The following NAALADL2 variants were observed in gnomAD, a reference collection of about 807,000 sequenced individuals.
The protein encoded by NAALADL2 is N-acetylated alpha-linked acidic dipeptidase like 2, also known as inactive N-acetylated-alpha-linked acidic dipeptidase-like protein 2.
Under a neutral mutation model 87.2 loss-of-function variants are expected in NAALADL2, and 76 were observed. The observed-to-expected ratio is 0.87, with a 90% confidence interval of 0.72 to 1.05. The LOEUF is 1.05. Ranked by LOEUF, NAALADL2 falls within the 50% of genes least tolerant of loss-of-function variation. The pLI is 0.00. For synonymous variants in NAALADL2, 354 were observed against 331.0 expected, an observed-to-expected ratio of 1.07 and a Z score of -0.75; for missense variants, 1,089 against 945.8, an observed-to-expected ratio of 1.15 and a Z score of -1.99.
intron 10 of NAALADL2, among the ~76,000 whole-genome samples, chr3:175,577,616 C>T (rs933891432): frequency 4.6e-5 from 7 of 152,052 alleles, no homozygotes; most frequent in Non-Finnish European, 8.8e-5. Flanking sequence ...AGGATCCAAT[C>T]GTTTTCAAAT....
At position 175,467,197 on chromosome 3, in the gene NAALADL2, A is replaced by G; in HGVS notation, c.1533+13A>G. The G allele has an allele frequency of 6.2e-7, 1 of 1,601,386 alleles. No individual in the cohort carries two copies. Among genetic ancestry groups the G allele is most frequent in the African/African-American group, 1.3e-5 (1 of 74,798 alleles). On this transcript the variant is annotated intron_variant, in intron 8 of 13. Transcript: ENST00000454872. Reference sequence around the variant, plus strand: ...TGAATGGGGAGAGGTAAAGCAAAATATACATTAATTACAGTGCTTTTCTTT... The same window carrying G: ...TGAATGGGGAGAGGTAAAGCAAAATGTACATTAATTACAGTGCTTTTCTTT...
intron 12 of NAALADL2, among the ~76,000 whole-genome samples, chr3:175,745,848 A>T (rs1745849960): frequency 1.3e-5 from 2 of 152,204 alleles, no homozygotes; most frequent in African/African-American, 4.8e-5. Context: ...TTAATGTCTA[A>T]AACAGCACTT....
intron 1 of NAALADL2, among the ~76,000 whole-genome samples, chr3:174,874,212 G>A (rs142502408): frequency 6.6e-6 from 1 of 152,230 alleles, no homozygotes; most frequent in Admixed American, 6.5e-5. Flanking sequence ...TGGCACGTGA[G>A]TACATGTGCA....
At chr3:175,202,949 C>A (rs147663081) in intron 2 of NAALADL2, among the ~76,000 whole-genome samples, 38 of 152,072 alleles carry the variant, frequency 2.5e-4, no homozygotes, top group African/African-American at 9.2e-4. Context: ...ACCAAAGGAC[C>A]GGTCTTGCAC....
At chr3:175,087,352 C>T (rs577103412) in intron 1 of NAALADL2, among the ~76,000 whole-genome samples, 1 of 152,084 alleles carries the variant, frequency 6.6e-6, no homozygotes, top group Non-Finnish European at 1.5e-5. Flanking sequence ...TGCACGGCCG[C>T]CCCGTCTGGG....
At chr3:174,708,618 A>G (rs1730334009) in intron 2 of NAALADL2, among the ~76,000 whole-genome samples, 1 of 152,132 alleles carries the variant, frequency 6.6e-6, no homozygotes, top group South Asian at 2.1e-4. Flanking sequence ...TGCTATAAAG[A>G]TAGTTTATGT....
intron 3 of NAALADL2, among the ~76,000 whole-genome samples, chr3:174,802,242 G>A (rs894082285): frequency 2.6e-5 from 4 of 151,956 alleles, no homozygotes; most frequent in African/African-American, 9.7e-5. Context: ...CATGATTTCT[G>A]ATTTCATGAA....
intron 2 of NAALADL2, among the ~76,000 whole-genome samples, chr3:174,723,949 C>T (rs1395054171): frequency 6.6e-6 from 1 of 151,874 alleles, no homozygotes; most frequent in African/African-American, 2.4e-5. Flanking sequence ...CCCTTGATGA[C>T]GTCTTTGAGC....
At chr3:175,219,852 G>A (rs1221789366) in intron 2 of NAALADL2, among the ~76,000 whole-genome samples, 1 of 140,312 alleles carries the variant, frequency 7.1e-6, no homozygotes, top group Non-Finnish European at 1.5e-5. Flanking sequence ...CTCAATAATA[G>A]TTTGTGGTTT....
chr3:174,797,181 C>T (rs1391485999), intron 3 of NAALADL2, among the ~76,000 whole-genome samples: 1 of 151,866 alleles, frequency 6.6e-6, no homozygotes, highest in Non-Finnish European at 1.5e-5. Context: ...ATTTGGCAAT[C>T]GAATTTTCCC....
intron 2 of NAALADL2, among the ~76,000 whole-genome samples, chr3:175,106,674 T>C (rs1449637795): frequency 6.6e-6 from 1 of 152,040 alleles, no homozygotes; most frequent in African/African-American, 2.4e-5. Context: ...CATGGAAAAG[T>C]TGAGAACTGT....
intron 2 of NAALADL2, among the ~76,000 whole-genome samples, chr3:174,575,693 A>G (rs371968278): frequency 9.2e-5 from 14 of 152,294 alleles, no homozygotes; most frequent in African/African-American, 2.9e-4. Flanking sequence ...TTGTATGATC[A>G]AAATTCTATA....
intron 3 of NAALADL2, among the ~76,000 whole-genome samples, chr3:174,768,843 G>C (rs555202): frequency 6.6e-6 from 1 of 151,882 alleles, no homozygotes; most frequent in African/African-American, 2.4e-5. Context: ...GTGCTTGCTT[G>C]TATCTCTATT....
chr3:174,641,083 G>T (rs1723133331), intron 2 of NAALADL2, among the ~76,000 whole-genome samples: 1 of 152,152 alleles, frequency 6.6e-6, no homozygotes, highest in Non-Finnish European at 1.5e-5. Flanking sequence ...TCAGAAGGGA[G>T]ATTGACCTGG....
At chr3:175,573,320 T>C (rs1245978039) in intron 9 of NAALADL2, among the ~76,000 whole-genome samples, 4 of 152,214 alleles carry the variant, frequency 2.6e-5, no homozygotes, top group African/African-American at 9.6e-5. Flanking sequence ...AAAGAGAAAG[T>C]AGGTCATTTA....
At chr3:174,751,513 A>C (rs1411448297) in intron 3 of NAALADL2, among the ~76,000 whole-genome samples, 3 of 151,908 alleles carry the variant, frequency 2.0e-5, no homozygotes, top group Non-Finnish European at 4.4e-5. Flanking sequence ...AAATACAAAA[A>C]TTAGCCAGGC....
chr3:175,512,995 C>T (rs975406677), intron 9 of NAALADL2, among the ~76,000 whole-genome samples: 1 of 152,150 alleles, frequency 6.6e-6, no homozygotes, highest in African/African-American at 2.4e-5. Context: ...TCAGAAGCAA[C>T]TTTACAAGAA....
At chr3:174,593,854 G>A (rs1717625562) in intron 2 of NAALADL2, among the ~76,000 whole-genome samples, 1 of 152,170 alleles carries the variant, frequency 6.6e-6, no homozygotes, top group African/African-American at 2.4e-5. Context: ...ACCCTGAAGA[G>A]TAATGATGGG....
At chr3:174,451,781 A>G (rs1193981976) in intron 1 of NAALADL2, among the ~76,000 whole-genome samples, 1 of 152,062 alleles carries the variant, frequency 6.6e-6, no homozygotes, top group Non-Finnish European at 1.5e-5. Flanking sequence ...TTTGACATAA[A>G]GACAAAAATA....
Sources: allele counts gnomAD v4.1 joint callset (sites outside exome capture counted in the v4.1 genomes callset), GRCh38; gene constraint gnomAD v4.1.1; transcripts MANE v1.5; gene names NCBI Gene and HGNC (gene_info 2026-07-23, HGNC 2026-07-21).